Variants in KCNK10 observed in about 807,000 individuals in gnomAD.
KCNK10 encodes potassium channel subfamily K member 10.
A neutral mutation model predicts 47.7 loss-of-function variants in KCNK10; 25 were observed. That is an observed-to-expected ratio of 0.52 (90% CI 0.38 to 0.73). The LOEUF (loss-of-function observed/expected upper bound fraction) is 0.73. Ranked by LOEUF, KCNK10 falls within the 30% of genes least tolerant of loss-of-function variation. The pLI is 0.00. For synonymous variants in KCNK10, 303 were observed against 285.6 expected, an observed-to-expected ratio of 1.06 and a Z score of -0.61; for missense variants, 563 against 714.5, an observed-to-expected ratio of 0.79 and a Z score of 2.42.
rs1305072348 is a variant in KCNK10, at chr14:88,188,208, GT to G, written c.869-100del. 2.9e-6 allele frequency: 4 copies of G among 1,373,154 alleles called. No individual in the cohort carries two copies. In the African/African-American group the frequency reaches 5.7e-5, roughly 20 times the overall value. The allele number at this position is 1,373,154 out of a possible 1,614,324, so 85.1% of individuals were successfully genotyped here. A position where few individuals can be genotyped will look rare whatever the true frequency, so the allele number is the denominator to read the frequency against. On this transcript the variant is annotated intron_variant, in intron 5 of 6. Transcript: ENST00000319231. ...TGTAGTGAAGACGTCATCCATCATT[GT>G]TTAACACTCAGCTGTTAGGTTTGCT...
chr14:88,234,390 C>CA (rs1438874221), intron 3 of KCNK10, among the ~76,000 whole-genome samples: 6 of 152,162 alleles, frequency 3.9e-5, no homozygotes, highest in Non-Finnish European at 1.5e-5. Context: ...TTCCTTCATC[C>CA]AAAATGTTCT....
At chr14:88,313,012 G>C (rs1428668532) in intron 1 of KCNK10, among the ~76,000 whole-genome samples, 3 of 152,150 alleles carry the variant, frequency 2.0e-5, no homozygotes. Flanking sequence ...ACAGACTTCT[G>C]AACTACAGGA....
At chr14:88,324,643 A>G (rs1351558229), upstream of KCNK10, among the ~76,000 whole-genome samples, 1 of 152,116 alleles carries the variant, frequency 6.6e-6, no homozygotes, top group African/African-American at 2.4e-5. Context: ...AGGTCCTGTT[A>G]GATTGTTGTT....
intron 2 of KCNK10, among the ~76,000 whole-genome samples, chr14:88,250,419 A>G (rs912105730): frequency 7.2e-5 from 11 of 152,188 alleles, no homozygotes; most frequent in African/African-American, 2.7e-4. Context: ...TTCAACTCAG[A>G]GTTGTGCCCC....
chr14:88,219,769 C>G (rs1335614197), intron 4 of KCNK10, among the ~76,000 whole-genome samples: 1 of 152,178 alleles, frequency 6.6e-6, no homozygotes, highest in Non-Finnish European at 1.5e-5. Flanking sequence ...ACACAGATTG[C>G]TGAGCTCCAG....
chr14:88,229,681 C>G (rs1273316294), intron 3 of KCNK10, among the ~76,000 whole-genome samples: 3 of 152,178 alleles, frequency 2.0e-5, no homozygotes, highest in African/African-American at 7.2e-5. Context: ...TTGAGTGATG[C>G]TGTATCTCAT....
intron 1 of KCNK10, among the ~76,000 whole-genome samples, chr14:88,320,539 A>C (rs770367328): frequency 1.3e-5 from 2 of 152,186 alleles, no homozygotes; most frequent in Non-Finnish European, 2.9e-5. Context: ...GCTTGGGGAC[A>C]TGTCCTACTC....
chr14:88,287,674 GGT>G (rs199702993), intron 1 of KCNK10, among the ~76,000 whole-genome samples: 3,578 of 141,416 alleles, frequency 0.025, 49 homozygotes, highest in Middle Eastern at 0.037. Context: ...AGTATTCCAT[GGT>G]GTGTGTGTGT....
chr14:88,195,518 T>C (rs1317724631), intron 4 of KCNK10, among the ~76,000 whole-genome samples: 1 of 152,220 alleles, frequency 6.6e-6, no homozygotes, highest in Non-Finnish European at 1.5e-5. Context: ...AATCTCTGTT[T>C]AGCTTCAGGA....
At chr14:88,268,646 C>G (rs954674091) in intron 1 of KCNK10, among the ~76,000 whole-genome samples, 1 of 152,168 alleles carries the variant, frequency 6.6e-6, no homozygotes, top group African/African-American at 2.4e-5. Context: ...AAAATATTTT[C>G]CAGTCTATGA....
intron 1 of KCNK10, among the ~76,000 whole-genome samples, chr14:88,283,389 T>C (rs1037530421): frequency 1.7e-4 from 26 of 152,244 alleles, no homozygotes; most frequent in African/African-American, 5.8e-4. Flanking sequence ...CCACAGTAGA[T>C]GGTAATACAG....
At chr14:88,325,894 A>T (rs1465743431), upstream of KCNK10, among the ~76,000 whole-genome samples, 6 of 147,794 alleles carry the variant, frequency 4.1e-5, no homozygotes, top group East Asian at 1.1e-3. Flanking sequence ...TGGGGCCCTG[A>T]GTAGTGATGA....
chr14:88,268,754 C>T (rs550123572), intron 1 of KCNK10, among the ~76,000 whole-genome samples: 1 of 152,330 alleles, frequency 6.6e-6, no homozygotes, highest in South Asian at 2.1e-4. Context: ...TCACACTTCA[C>T]AGCTCCAACA....
chr14:88,281,853 TG>T (rs1887659488), intron 1 of KCNK10, among the ~76,000 whole-genome samples: 2 of 151,688 alleles, frequency 1.3e-5, no homozygotes, highest in South Asian at 2.1e-4. Flanking sequence ...TGTGTGTGTG[TG>T]TTTGTATCCT....
intron 1 of KCNK10, among the ~76,000 whole-genome samples, chr14:88,281,165 T>C (rs952964165): frequency 6.6e-6 from 1 of 152,128 alleles, no homozygotes; most frequent in Non-Finnish European, 1.5e-5. Context: ...CGGTTACCAC[T>C]CAGTTTCTTT....
At chr14:88,290,954 T>A (rs1887862930) in intron 1 of KCNK10, among the ~76,000 whole-genome samples, 1 of 152,182 alleles carries the variant, frequency 6.6e-6, no homozygotes, top group Non-Finnish European at 1.5e-5. Flanking sequence ...CAGGGAGGTA[T>A]TCAAGTGGCA....
intron 1 of KCNK10, among the ~76,000 whole-genome samples, chr14:88,274,198 C>A (rs1887474871): frequency 6.6e-6 from 1 of 151,926 alleles, no homozygotes; most frequent in African/African-American, 2.4e-5. Flanking sequence ...CTTCTCCAGC[C>A]CTCCCCTCTT....
intron 4 of KCNK10, among the ~76,000 whole-genome samples, chr14:88,197,652 C>A (rs1328070151): frequency 2.8e-5 from 3 of 105,282 alleles, no homozygotes; most frequent in Non-Finnish European, 5.7e-5. Context: ...TTAAAATTTT[C>A]AAAAGTTTTC....
chr14:88,228,491 C>T (rs1207496726), intron 3 of KCNK10, among the ~76,000 whole-genome samples: 1 of 152,128 alleles, frequency 6.6e-6, no homozygotes, highest in Non-Finnish European at 1.5e-5. Flanking sequence ...CATTTTTGTG[C>T]CAATTGATAT....
Sources: allele counts gnomAD v4.1 joint callset (sites outside exome capture counted in the v4.1 genomes callset), GRCh38; gene constraint gnomAD v4.1.1; transcripts MANE v1.5; gene names NCBI Gene and HGNC (gene_info 2026-07-23, HGNC 2026-07-21).